NRG3: variants seen among roughly 807,000 people sequenced by gnomAD.
NRG3 encodes neuregulin 3.
A neutral mutation model predicts 66.9 loss-of-function variants in NRG3; 31 were observed. The observed-to-expected ratio is 0.46, with a 90% confidence interval of 0.35 to 0.63. NRG3 has a LOEUF of 0.63. Among genes scored for constraint, NRG3 ranks in the 20% least tolerant of loss-of-function variants. The pLI is 0.00. For missense variants in NRG3, 910 were observed against 878.9 expected, an observed-to-expected ratio of 1.04 and a Z score of -0.45; for synonymous variants, 393 against 359.4, an observed-to-expected ratio of 1.09 and a Z score of -1.06.
chr10:81,875,848 G>C lies in NRG3; in HGVS notation c.508G>C (p.Gly170Arg). Residue 170 changes from glycine to arginine, a missense_variant, in exon 1 of 9, where the codon GGG (glycine) becomes CGG (arginine). Transcript: ENST00000372141. This position sits in a 1 kb window ranked among gnomAD's most constrained non-coding sequence, Gnocchi z 5.3. ...TITRAPTRFPGHRVPIRASPR... is the reference protein window; with the variant it reads ...TITRAPTRFPRHRVPIRASPR... ...CACGCGGGCGCCCACTCGCTTCCCC[G>C]GGCACCGGGTGCCCATCCGGGCCAG... is the stretch of plus-strand genomic sequence containing the variant. 6.2e-7 allele frequency: 1 copy of C among 1,609,518 alleles called. No individual in the cohort carries two copies. The highest frequency in any genetic ancestry group is 8.5e-7 in the Non-Finnish European group (1 of 1,179,656).
Position 82,532,766 on chromosome 10 carries a change from C to A in NRG3, c.953+173898C>A, listed in dbSNP as rs1847419960. On this transcript the variant is annotated intron_variant, in intron 2 of 8. Coordinates refer to ENST00000372141, the MANE Select transcript of NRG3 (RefSeq NM_001010848.4). ...GCTACTATCTCTTCAAGATCCTGAT[C>A]TCAGTACTTTTGGATAAAATCCCAG... Among the ~76,000 whole-genome samples, 4 of 151,384 alleles carry A rather than the reference C, an allele frequency of 2.6e-5. No homozygotes were observed. In the South Asian group the frequency reaches 6.2e-4, roughly 24 times the overall value.
chr10:81,881,625 T>C (rs1842190162), intron 1 of NRG3, among the ~76,000 whole-genome samples: 1 of 152,182 alleles, frequency 6.6e-6, no homozygotes, highest in Non-Finnish European at 1.5e-5. Context: ...TCTGGGGGCA[T>C]TGCAATGCTG....
chr10:82,145,759 A>G (rs902394802), intron 1 of NRG3, among the ~76,000 whole-genome samples: 11 of 152,208 alleles, frequency 7.2e-5, no homozygotes, highest in Admixed American at 5.2e-4. Context: ...TTGTGTGGTT[A>G]AAATGAAGAT....
intron 1 of NRG3, among the ~76,000 whole-genome samples, chr10:82,066,665 C>G (rs2064488470): frequency 6.6e-6 from 1 of 152,172 alleles, no homozygotes; most frequent in Non-Finnish European, 1.5e-5. Flanking sequence ...CTGAGTGATT[C>G]ACTTCACGAA....
intron 2 of NRG3, among the ~76,000 whole-genome samples, chr10:82,494,305 C>T (rs1310794528): frequency 2.6e-5 from 4 of 152,070 alleles, no homozygotes; most frequent in Non-Finnish European, 4.4e-5. Context: ...ACCTCTCCTC[C>T]GCAAAGATTT....
At chr10:82,386,042 C>T (rs761809703) in intron 2 of NRG3, among the ~76,000 whole-genome samples, 16 of 152,078 alleles carry the variant, frequency 1.1e-4, no homozygotes, top group Non-Finnish European at 2.4e-4. Flanking sequence ...TCAGTGAAAT[C>T]ACTTTTCCAT....
intron 1 of NRG3, among the ~76,000 whole-genome samples, chr10:81,997,497 A>G (rs1258821860): frequency 6.6e-6 from 1 of 152,076 alleles, no homozygotes; most frequent in Non-Finnish European, 1.5e-5. Flanking sequence ...CTTTACCTTC[A>G]TGTCTCCTAA....
At chr10:81,957,903 G>A (rs1160444035) in intron 1 of NRG3, among the ~76,000 whole-genome samples, 1 of 152,194 alleles carries the variant, frequency 6.6e-6, no homozygotes, top group Non-Finnish European at 1.5e-5. Context: ...TTTCATGCAG[G>A]TTTGGAGGGG....
intron 1 of NRG3, among the ~76,000 whole-genome samples, chr10:82,129,694 C>T (rs2068684931): frequency 6.6e-6 from 1 of 151,920 alleles, no homozygotes; most frequent in African/African-American, 2.4e-5. Context: ...CTGGCTCAGC[C>T]TCCCAATAGG....
chr10:81,922,171 T>A (rs183900558), intron 1 of NRG3, among the ~76,000 whole-genome samples: 4 of 152,202 alleles, frequency 2.6e-5, no homozygotes. Flanking sequence ...TGTTAAAAAA[T>A]TTTTTGACTT....
intron 3 of NRG3, among the ~76,000 whole-genome samples, chr10:82,865,030 T>G (rs1440980818): frequency 1.3e-5 from 2 of 152,240 alleles, no homozygotes; most frequent in African/African-American, 4.8e-5. Context: ...TAAATTCATG[T>G]TGAACAAATA....
At chr10:82,592,916 C>T (rs1029737572) in intron 2 of NRG3, among the ~76,000 whole-genome samples, 1 of 152,186 alleles carries the variant, frequency 6.6e-6, no homozygotes, top group Non-Finnish European at 1.5e-5. Context: ...GGTGAAGCAG[C>T]TTTGGCTCAG....
chr10:82,947,353 A>G (rs1849119528), intron 4 of NRG3, among the ~76,000 whole-genome samples: 1 of 152,124 alleles, frequency 6.6e-6, no homozygotes, highest in African/African-American at 2.4e-5. Context: ...TTATCCATTT[A>G]CCTGTTGATG....
intron 3 of NRG3, among the ~76,000 whole-genome samples, chr10:82,748,438 C>T (rs1486170224): frequency 6.6e-6 from 1 of 151,284 alleles, no homozygotes; most frequent in Non-Finnish European, 1.5e-5. Context: ...AAACTATACA[C>T]TCACCCAAAT....
In NRG3 at chr10:82,490,922, G is replaced by A. The variant is rs73307836; in HGVS notation, c.953+132054G>A. On this transcript the variant is annotated intron_variant, in intron 2 of 8. Transcript: ENST00000372141. ...TTCAAACTCAGTTCATCTAGGGTCTGTTTTCAATATGGCAGCCAATATGGC... is the reference window on the plus strand; with the variant it reads ...TTCAAACTCAGTTCATCTAGGGTCTATTTTCAATATGGCAGCCAATATGGC... 4.2e-3 allele frequency among the ~76,000 whole-genome samples: 646 copies of A among 152,198 alleles called. 4 individuals carry two copies. Among genetic ancestry groups the A allele is most frequent in the African/African-American group, 0.015 (623 of 41,534 alleles).
Position 82,302,577 on chromosome 10 carries a change from A to T in NRG3, c.824-56162A>T, listed in dbSNP as rs561913882. Among the ~76,000 whole-genome samples the T allele has an allele frequency of 1.3e-4, 20 of 152,268 alleles. No individual in the cohort carries two copies. In the South Asian group the frequency reaches 4.1e-3, roughly 32 times the overall value. On this transcript the variant is annotated intron_variant, in intron 1 of 8. Coordinates refer to ENST00000372141, the MANE Select transcript of NRG3 (RefSeq NM_001010848.4). ...GATTAATAAAAAGTTCAATTTCCTA[A>T]TACAAACATGAAAGGGCAATACAAT...
In NRG3 at chr10:82,976,474, C is replaced by T. The variant is rs566632306; in HGVS notation, c.1413-2476C>T. ...TGGCAGGGGAGATAGAGGAACTCATCGTGCTGAGCACCTATTGTGTGCCAG... is the reference window on the plus strand; with the variant it reads ...TGGCAGGGGAGATAGAGGAACTCATTGTGCTGAGCACCTATTGTGTGCCAG... On this transcript the variant is annotated intron_variant, in intron 7 of 8. Coordinates refer to ENST00000372141, the MANE Select transcript of NRG3 (RefSeq NM_001010848.4). Among the ~76,000 whole-genome samples, 5 of 152,282 alleles carry T rather than the reference C, an allele frequency of 3.3e-5. No individual in the cohort carries two copies. In the South Asian group the frequency reaches 6.2e-4, roughly 19 times the overall value.
intron 1 of NRG3, among the ~76,000 whole-genome samples, chr10:82,020,891 G>A (rs191054342): frequency 2.0e-4 from 31 of 152,158 alleles, no homozygotes; most frequent in African/African-American, 7.2e-4. Context: ...TTGGCTTTAA[G>A]TGCAGAGACA....
chr10:82,473,162 C>T (rs937664507), intron 2 of NRG3, among the ~76,000 whole-genome samples: 2 of 152,110 alleles, frequency 1.3e-5, no homozygotes, highest in Non-Finnish European at 2.9e-5. Flanking sequence ...GATGTCTGTG[C>T]GCACCAGCTT....
Sources: gnomAD v4.1 joint callset for allele counts (sites outside exome capture counted in the v4.1 genomes callset) on GRCh38, gnomAD v4.1.1 for gene constraint, Gnocchi (gnomAD v3.1) non-coding constraint, MANE v1.5 for transcripts, NCBI Gene and HGNC (gene_info 2026-07-23, HGNC 2026-07-21) for gene names.